The following FBXO36 variants were observed in gnomAD, a reference collection of about 807,000 sequenced individuals.
The protein encoded by FBXO36 is F-box protein 36.
Under a neutral mutation model 17.0 loss-of-function variants are expected in FBXO36, and 18 were observed. The ratio of observed to expected loss-of-function variants is 1.06; its 90% confidence interval spans 0.73 to 1.57. The LOEUF is 1.57. Among genes scored for constraint, FBXO36 ranks in the 40% most tolerant of loss-of-function variants. The pLI is 0.00. For missense variants in FBXO36, 229 were observed against 221.9 expected (o/e 1.03, Z -0.20); for synonymous variants, 83 against 85.3 (o/e 0.97, Z 0.15).
At chr2:229,949,538 TAC>T (rs56048655) in intron 1 of FBXO36, among the ~76,000 whole-genome samples, 44 of 149,418 alleles carry the variant, frequency 2.9e-4, no homozygotes, top group South Asian at 1.3e-3. Flanking sequence ...GTAAAATGTA[TAC>T]ACACACACAC....
At chr2:229,973,001 G>T (rs908046637) in intron 1 of FBXO36, among the ~76,000 whole-genome samples, 2 of 151,772 alleles carry the variant, frequency 1.3e-5, no homozygotes, top group African/African-American at 4.8e-5. Context: ...GGCAGAGGTT[G>T]CAGTGAGCCG....
intron 1 of FBXO36, among the ~76,000 whole-genome samples, chr2:229,975,869 G>A (rs111652669): frequency 0.019 from 2,856 of 151,726 alleles, 66 homozygotes; most frequent in African/African-American, 0.063. Context: ...GTGCAGTGGC[G>A]CGATCTCGGC....
At chr2:230,010,078 A>G (rs185061849) in intron 3 of FBXO36, among the ~76,000 whole-genome samples, 1 of 152,258 alleles carries the variant, frequency 6.6e-6, no homozygotes, top group Admixed American at 6.5e-5. Context: ...CCTGACCAAC[A>G]TGGAGAAACC....
At chr2:229,963,249 A>G (rs1481264306) in intron 1 of FBXO36, among the ~76,000 whole-genome samples, 1 of 151,640 alleles carries the variant, frequency 6.6e-6, no homozygotes, top group East Asian at 2.0e-4. Context: ...TATTTTTAGT[A>G]GAGATGGGGT....
At chr2:229,983,272 G>A (rs1176550224) in intron 2 of FBXO36, among the ~76,000 whole-genome samples, 1 of 152,180 alleles carries the variant, frequency 6.6e-6, no homozygotes, top group Non-Finnish European at 1.5e-5. Context: ...CTACTCGGGA[G>A]GCTGAGGCAG....
intron 1 of FBXO36, among the ~76,000 whole-genome samples, chr2:229,926,921 G>T (rs1352743777): frequency 1.3e-5 from 2 of 151,858 alleles, no homozygotes; most frequent in Non-Finnish European, 2.9e-5. Context: ...GTGCAGTGGG[G>T]TGATCTCGGC....
Position 229,981,726 on chromosome 2 carries a change from G to A in FBXO36, c.205+5377G>A, listed in dbSNP as rs909887526. Among the ~76,000 whole-genome samples the A allele has an allele frequency of 6.5e-4, 95 of 145,162 alleles. 6 individuals are homozygous for A. Among genetic ancestry groups the A allele is most frequent in the Middle Eastern group, 3.5e-3 (1 of 282 alleles). ...CAAAAAAAAAAAAAAAAGAAAGAAA[G>A]AAAAAGGAAAAGAAAAAAAAAATTC... On this transcript the variant is annotated intron_variant, in intron 2 of 3. Transcript: ENST00000283946.
intron 1 of FBXO36, among the ~76,000 whole-genome samples, chr2:229,939,957 C>A (rs1237623776): frequency 2.6e-5 from 4 of 152,114 alleles, no homozygotes; most frequent in African/African-American, 9.7e-5. Flanking sequence ...GTGGCGCAGG[C>A]CCGTAGTCCC....
intron 2 of FBXO36, among the ~76,000 whole-genome samples, chr2:229,988,828 G>GTTTTTTTTTTTTTTTTTTTTTTTTTTTT (rs11321192): frequency 7.7e-6 from 1 of 129,362 alleles, no homozygotes; most frequent in Non-Finnish European, 1.6e-5. Context: ...ATGCTGGCCT[G>GTTTTTTTTTTTTTTTTTTTTTTTTTTTT]TTTTTTTTTT....
At chr2:229,996,995 A>G in intron 3 of FBXO36, 72 bp downstream of exon 3, 3 of 1,440,896 alleles carry the variant, frequency 2.1e-6, no homozygotes, top group Non-Finnish European at 1.9e-6. Context: ...TAACATAGCA[A>G]TCATTTGTTG....
At chr2:229,949,652 A>G (rs1577335891) in intron 1 of FBXO36, among the ~76,000 whole-genome samples, 1 of 152,074 alleles carries the variant, frequency 6.6e-6, no homozygotes, top group South Asian at 2.1e-4. Flanking sequence ...TTTGCCAGGC[A>G]TGGTGGCTCA....
intron 1 of FBXO36, among the ~76,000 whole-genome samples, chr2:229,960,147 A>G (rs1429325828): frequency 1.3e-5 from 2 of 151,892 alleles, no homozygotes; most frequent in Non-Finnish European, 1.5e-5. Flanking sequence ...GGCATTTCTC[A>G]TATCCATCTA....
chr2:229,975,746 G>A (rs2077204590), intron 1 of FBXO36, among the ~76,000 whole-genome samples: 1 of 146,122 alleles, frequency 6.8e-6, no homozygotes. Context: ...AAAGTGTTGG[G>A]ATTACAGATG....
At position 230,010,856 on chromosome 2, in the gene FBXO36, A is replaced by G. The variant is rs778575480; in HGVS notation, c.539A>G (p.Tyr180Cys). The G allele has an allele frequency of 1.1e-5, 18 of 1,612,782 alleles. No individual in the cohort carries two copies. The African/African-American group carries it at 2.1e-4, about 19-fold the overall frequency. ...CAGCTCCGCAAGAGGAAACAAAAAT[A>G]TGGAAACCTGAGAGAAAAGCAACCT... ...QRQLRKRKQK[Y>C]GNLREKQP is the part of the protein sequence containing the mutation. Residue 180 changes from tyrosine to cysteine, a missense_variant, in exon 4 of 4, where the codon TAT becomes TGT. Tyr to Cys is a radical substitution (Grantham distance 194). Coordinates refer to ENST00000283946, the MANE Select transcript of FBXO36 (RefSeq NM_174899.5).
At chr2:229,931,252 T>C (rs1277311870) in intron 1 of FBXO36, among the ~76,000 whole-genome samples, 1 of 152,198 alleles carries the variant, frequency 6.6e-6, no homozygotes, top group Non-Finnish European at 1.5e-5. Context: ...CAGCTGGACA[T>C]AGTTCCAGTA....
chr2:229,967,692 A>G (rs1290795373), intron 1 of FBXO36, among the ~76,000 whole-genome samples: 2 of 152,042 alleles, frequency 1.3e-5, no homozygotes, highest in Non-Finnish European at 2.9e-5. Context: ...ATTGATTTGC[A>G]TGTGTTAAAT....
chr2:229,959,995 C>T (rs2077112137), intron 1 of FBXO36, among the ~76,000 whole-genome samples: 1 of 152,056 alleles, frequency 6.6e-6, no homozygotes. Flanking sequence ...TTCAGGGTTT[C>T]AGCCTGATAA....
intron 1 of FBXO36, among the ~76,000 whole-genome samples, chr2:229,926,144 A>AG (rs2076910915): frequency 1.3e-5 from 2 of 149,274 alleles, no homozygotes; most frequent in Admixed American, 6.7e-5. Flanking sequence ...AAAAAAAAAA[A>AG]AGGGGGGGCT....
intron 2 of FBXO36, among the ~76,000 whole-genome samples, chr2:229,993,391 C>T (rs903130010): frequency 6.6e-6 from 1 of 152,112 alleles, no homozygotes; most frequent in African/African-American, 2.4e-5. Context: ...AGTGAGTGAT[C>T]GAAGAGCAAA....
Sources: allele counts gnomAD v4.1 joint callset (sites outside exome capture counted in the v4.1 genomes callset), GRCh38; gene constraint gnomAD v4.1.1; transcripts MANE v1.5; gene names NCBI Gene and HGNC (gene_info 2026-07-23, HGNC 2026-07-21).